ZDHHC2: variants seen among roughly 807,000 people sequenced by gnomAD.
The protein encoded by ZDHHC2 is zDHHC palmitoyltransferase 2, also known as palmitoyltransferase ZDHHC2.
Under a neutral mutation model 55.6 loss-of-function variants are expected in ZDHHC2, and 51 were observed. That is an observed-to-expected ratio of 0.92 (90% CI 0.73 to 1.16). The LOEUF (loss-of-function observed/expected upper bound fraction) is 1.16, where lower values mean the gene tolerates loss of function less well. ZDHHC2 is among the 50% of genes most tolerant of loss of function. The pLI is 0.00. For synonymous variants in ZDHHC2, 199 were observed against 152.9 expected (o/e 1.30, Z -2.22); for missense variants, 491 against 442.4 (o/e 1.11, Z -0.99).
At chr8:17,171,282 G>T (rs114462370) in intron 1 of ZDHHC2, among the ~76,000 whole-genome samples, 2,100 of 152,314 alleles carry the variant, frequency 0.014, 39 homozygotes, top group African/African-American at 0.047. Flanking sequence ...TGCACAACTT[G>T]CTGGCACTAG....
At chr8:17,218,167 T>C (rs1320108829) in intron 12 of ZDHHC2, among the ~76,000 whole-genome samples, 2 of 152,218 alleles carry the variant, frequency 1.3e-5, no homozygotes, top group Admixed American at 6.5e-5. Context: ...CAGCTCTGAA[T>C]ACCTGTTGCT....
Position 17,184,794 on chromosome 8 carries a change from A to T in ZDHHC2, c.136A>T (p.Met46Leu). Residue 46 changes from methionine to leucine, a missense_variant, in exon 2 of 13, where the codon ATG becomes TTG. Met to Leu is a conservative substitution (Grantham distance 15). Transcript: ENST00000262096. ...AYAIQLCIVSMENTGEQVVCL... is the reference protein window; with the variant it reads ...AYAIQLCIVSLENTGEQVVCL... ...ACCTTTTTTTCTCTTTACAGTGTCC[A>T]TGGAAAACACTGGCGAACAAGGTAA... 6.4e-7 allele frequency: 1 copy of T among 1,550,900 alleles called. No individual in the cohort carries two copies. Among genetic ancestry groups the T allele is most frequent in the Non-Finnish European group, 8.7e-7 (1 of 1,146,586 alleles).
At chr8:17,208,249 A>G (rs952365113) in intron 8 of ZDHHC2, among the ~76,000 whole-genome samples, 157 bp downstream of exon 8, 1 of 150,794 alleles carries the variant, frequency 6.6e-6, no homozygotes, top group Non-Finnish European at 1.5e-5. Flanking sequence ...TTAGACACAT[A>G]CAGGTTTGCT....
At chr8:17,207,650 T>C (rs1357749716) in intron 7 of ZDHHC2, among the ~76,000 whole-genome samples, 2 of 152,178 alleles carry the variant, frequency 1.3e-5, no homozygotes, top group Non-Finnish European at 2.9e-5. Context: ...ATTTTATAGT[T>C]CCATTTATCT....
At chr8:17,158,141 G>C (rs1306707539) in intron 1 of ZDHHC2, among the ~76,000 whole-genome samples, 1 of 152,038 alleles carries the variant, frequency 6.6e-6, no homozygotes, top group Non-Finnish European at 1.5e-5. Flanking sequence ...AGGCTGTACA[G>C]GCATTATCAT....
At chr8:17,165,845 G>A (rs1232962989) in intron 1 of ZDHHC2, among the ~76,000 whole-genome samples, 2 of 152,190 alleles carry the variant, frequency 1.3e-5, no homozygotes, top group Non-Finnish European at 2.9e-5. Context: ...AACTGAAGGA[G>A]CTGAAACATT....
chr8:17,218,197 A>G (rs549341905), intron 12 of ZDHHC2, among the ~76,000 whole-genome samples: 92 of 152,344 alleles, frequency 6.0e-4, no homozygotes, highest in Non-Finnish European at 1.1e-3. Context: ...CAGACTGACT[A>G]TAACTGGTTA....
intron 1 of ZDHHC2, among the ~76,000 whole-genome samples, chr8:17,159,216 C>T (rs1057397791): frequency 2.4e-4 from 37 of 152,178 alleles, no homozygotes; most frequent in Non-Finnish European, 7.3e-5. Context: ...CCCACCCTAC[C>T]CCCAGTATTA....
intron 10 of ZDHHC2, 25 bp downstream of exon 10, chr8:17,210,505 T>G (rs1487229717): frequency 6.5e-7 from 1 of 1,548,038 alleles, no homozygotes; most frequent in African/African-American, 1.4e-5. Flanking sequence ...TTTTTCATTT[T>G]ACTTTCAAAT....
chr8:17,218,484 T>G lies in ZDHHC2; in HGVS notation c.*34+1238T>G, dbSNP rs532242309. On this transcript the variant is annotated intron_variant, in intron 12 of 12. Coordinates refer to ENST00000262096, the MANE Select transcript of ZDHHC2 (RefSeq NM_016353.5). ...GGAATTTTTCTGTGTGTTAAGTGTTTTACATATTTACATGGTAATATTATA... is the reference window on the plus strand; with the variant it reads ...GGAATTTTTCTGTGTGTTAAGTGTTGTACATATTTACATGGTAATATTATA... Among the ~76,000 whole-genome samples the G allele has an allele frequency of 5.9e-5, 9 of 152,262 alleles. 1 individual carries two copies. In the South Asian group the frequency reaches 1.7e-3, roughly 28 times the overall value.
chr8:17,199,604 T>TCCTC (rs1554466206), intron 6 of ZDHHC2, among the ~76,000 whole-genome samples: 1 of 44,692 alleles, frequency 2.2e-5, no homozygotes, highest in Non-Finnish European at 5.3e-5. Flanking sequence ...TCTTCTTTAT[T>TCCTC]CTTTCTTCTT....
intron 1 of ZDHHC2, among the ~76,000 whole-genome samples, chr8:17,166,879 C>T (rs1804626974): frequency 1.3e-5 from 2 of 152,004 alleles, no homozygotes; most frequent in South Asian, 4.1e-4. Flanking sequence ...TGATGACTTT[C>T]AATGTAATTT....
At chr8:17,159,409 C>T (rs1307574675) in intron 1 of ZDHHC2, among the ~76,000 whole-genome samples, 3 of 152,176 alleles carry the variant, frequency 2.0e-5, no homozygotes, top group East Asian at 3.9e-4. Context: ...GTGATTTACC[C>T]TGGTCCTCCT....
intron 1 of ZDHHC2, among the ~76,000 whole-genome samples, chr8:17,164,644 A>G (rs1563138547): frequency 6.6e-6 from 1 of 152,226 alleles, no homozygotes; most frequent in African/African-American, 2.4e-5. Flanking sequence ...AAAACATCCA[A>G]ATAATAAAAT....
intron 12 of ZDHHC2, 39 bp downstream of exon 12, chr8:17,217,285 A>G: frequency 7.0e-7 from 1 of 1,433,566 alleles, no homozygotes; most frequent in East Asian, 2.4e-5. Flanking sequence ...TATTTTTAAC[A>G]GTCTTCTAAT....
intron 3 of ZDHHC2, among the ~76,000 whole-genome samples, chr8:17,194,350 A>G (rs1585699521): frequency 1.3e-5 from 2 of 148,308 alleles, no homozygotes; most frequent in East Asian, 1.9e-4. Flanking sequence ...ATATAAATAT[A>G]TATATATACA....
At chr8:17,201,244 T>G (rs1310917217) in intron 6 of ZDHHC2, among the ~76,000 whole-genome samples, 2 of 152,172 alleles carry the variant, frequency 1.3e-5, no homozygotes, top group East Asian at 1.9e-4. Context: ...TATGTGTGCA[T>G]AGCCTATAAA....
chr8:17,217,648 C>CTT (rs1273427158), intron 12 of ZDHHC2, among the ~76,000 whole-genome samples: 1 of 152,134 alleles, frequency 6.6e-6, no homozygotes, highest in Non-Finnish European at 1.5e-5. Context: ...TTAGGAAACT[C>CTT]TAAGTCGAAG....
chr8:17,211,473 GTTGTTTGT>G (rs367963141), intron 10 of ZDHHC2, among the ~76,000 whole-genome samples: 1 of 151,780 alleles, frequency 6.6e-6, no homozygotes, highest in Non-Finnish European at 1.5e-5. Flanking sequence ...TTTTGTTGTT[GTTGTTTGT>G]TTGTTTGTTT....
Sources: allele counts gnomAD v4.1 joint callset (sites outside exome capture counted in the v4.1 genomes callset), GRCh38; gene constraint gnomAD v4.1.1; transcripts MANE v1.5; gene names NCBI Gene and HGNC (gene_info 2026-07-23, HGNC 2026-07-21).